ANGPT1: variants seen among roughly 807,000 people sequenced by gnomAD.
ANGPT1 encodes angiopoietin-1.
In ANGPT1, 17 loss-of-function variants were observed where a neutral mutation model predicts 62.2. That is an observed-to-expected ratio of 0.27 (90% confidence interval 0.19 to 0.41). The LOEUF (loss-of-function observed/expected upper bound fraction) is 0.41, where lower values mean the gene tolerates loss of function less well. Ranked by LOEUF, ANGPT1 falls within the 10% of genes least tolerant of loss-of-function variation. The pLI, the probability that ANGPT1 is intolerant of heterozygous loss-of-function variation, is 1.00. For missense variants in ANGPT1, 478 were observed against 594.9 expected (o/e 0.80, Z 2.04); for synonymous variants, 199 against 198.9 (o/e 1.00, Z 0.00).
chr8:107,336,314 T>C, intron 2 of ANGPT1, 43 bp from the exon 3 acceptor site: 1 of 1,549,686 alleles, frequency 6.5e-7, no homozygotes, highest in South Asian at 1.3e-5. Flanking sequence ...CAGTCACGAA[T>C]CAAAGAACTT....
intron 1 of ANGPT1, among the ~76,000 whole-genome samples, chr8:107,373,204 A>G (rs1816450922): frequency 1.3e-5 from 2 of 152,168 alleles, no homozygotes; most frequent in Non-Finnish European, 1.5e-5. Flanking sequence ...ACTTTTCAGT[A>G]TCTCAATTAC....
chr8:107,310,979 G>C (rs536269066), intron 4 of ANGPT1, among the ~76,000 whole-genome samples: 9 of 52,284 alleles, frequency 1.7e-4, no homozygotes, highest in African/African-American at 7.7e-4. Flanking sequence ...GAGTGTGTAT[G>C]TGAGTGTGTG....
Position 107,291,170 on chromosome 8 carries a change from GT to G in ANGPT1, c.1038+2765del, listed in dbSNP as rs529716213. Among the ~76,000 whole-genome samples, 4 of 152,254 alleles carry G rather than the reference GT, an allele frequency of 2.6e-5. No individual in the cohort carries two copies. The South Asian group carries it at 8.3e-4, about 32-fold the overall frequency. On this transcript the variant is annotated intron_variant, in intron 6 of 8. Transcript: ENST00000517746. ...TTTGCAAAACAGTATTTTTGGCATAGTTAAGTGAAATTTTTGCTTTGATGTT... is the reference window on the plus strand; with the variant it reads ...TTTGCAAAACAGTATTTTTGGCATAGTAAGTGAAATTTTTGCTTTGATGTT...
chr8:107,282,584 ATATATATATATG>A (rs1372123226), intron 7 of ANGPT1, among the ~76,000 whole-genome samples: 1 of 128,416 alleles, frequency 7.8e-6, no homozygotes, highest in African/African-American at 3.2e-5. Context: ...ATATATATAT[ATATATATATATG>A]AGCCTCAGCT....
rs1162122581 is a variant in ANGPT1 at position 107,284,824 on chromosome 8, A to G, written c.1063T>C (p.Tyr355His). 1.2e-6 allele frequency: 2 copies of G among 1,603,054 alleles called. No homozygotes were observed. The highest frequency in any genetic ancestry group is 2.7e-5 in the African/African-American group (2 of 74,922). ...KMGFGNPSGE[Y>H]WLGNEFIFAI... ...AAAATAAACTCATTCCCCAGCCAAT[A>G]TTCACCGGAGGGATTTCCAAAACCC... The change falls in exon 7 of 9, where the codon TAT becomes CAT. Residue 355 changes from tyrosine to histidine, a missense_variant. Tyr to His is a moderately conservative substitution (Grantham distance 83). Coordinates refer to ENST00000517746, the MANE Select transcript of ANGPT1 (RefSeq NM_001146.5).
chr8:107,282,396 C>A (rs909256155), intron 7 of ANGPT1, among the ~76,000 whole-genome samples: 1 of 143,890 alleles, frequency 6.9e-6, no homozygotes, highest in African/African-American at 2.6e-5. Context: ...CCTTTTTGGG[C>A]AAAATTATAT....
chr8:107,321,811 TG>T (rs1199649770), intron 4 of ANGPT1, 84 bp downstream of exon 4: 7 of 1,128,344 alleles, frequency 6.2e-6, no homozygotes, highest in Non-Finnish European at 9.0e-6. Context: ...CAGCAATCAA[TG>T]CACTGTAGAA....
intron 4 of ANGPT1, among the ~76,000 whole-genome samples, chr8:107,313,883 T>C (rs957366051): frequency 3.3e-5 from 5 of 152,352 alleles, no homozygotes; most frequent in South Asian, 4.1e-4. Context: ...TTCTCCCTTC[T>C]TACAGTATAA....
intron 6 of ANGPT1, among the ~76,000 whole-genome samples, chr8:107,292,668 G>C (rs779520436): frequency 6.6e-6 from 1 of 152,026 alleles, no homozygotes; most frequent in African/African-American, 2.4e-5. Context: ...CTTTTTAAAC[G>C]TGCTTTCAGA....
intron 1 of ANGPT1, among the ~76,000 whole-genome samples, chr8:107,481,555 A>C (rs1173341640): frequency 6.6e-6 from 1 of 150,416 alleles, no homozygotes; most frequent in Non-Finnish European, 1.5e-5. Context: ...AAAAAAAAAA[A>C]AGGAAGAAGA....
chr8:107,438,626 C>A (rs1586322839), intron 1 of ANGPT1, among the ~76,000 whole-genome samples: 1 of 152,058 alleles, frequency 6.6e-6, no homozygotes, highest in African/African-American at 2.4e-5. Flanking sequence ...ATATGCTTAT[C>A]TTTACTATTT....
intron 1 of ANGPT1, among the ~76,000 whole-genome samples, chr8:107,388,426 T>A (rs1009446968): frequency 1.6e-5 from 2 of 124,570 alleles, no homozygotes; most frequent in African/African-American, 5.1e-5. Flanking sequence ...AAATTATTTT[T>A]TAATAAAAAT....
chr8:107,276,547 G>C (rs1453140028), intron 7 of ANGPT1, among the ~76,000 whole-genome samples: 1 of 151,976 alleles, frequency 6.6e-6, no homozygotes, highest in Admixed American at 6.6e-5. Flanking sequence ...TACATGGGAG[G>C]CTCGAGAGAA....
chr8:107,274,197 G>A (rs553557903), intron 7 of ANGPT1, among the ~76,000 whole-genome samples: 5 of 152,152 alleles, frequency 3.3e-5, no homozygotes, highest in Admixed American at 1.3e-4. Flanking sequence ...CTTTAGGTGC[G>A]ACTCAGAAAT....
intron 6 of ANGPT1, among the ~76,000 whole-genome samples, chr8:107,285,294 A>C (rs1814112684): frequency 6.6e-6 from 1 of 152,162 alleles, no homozygotes. Context: ...TCACAAATGC[A>C]ATTATGTTTC....
intron 1 of ANGPT1, among the ~76,000 whole-genome samples, chr8:107,450,883 C>T (rs1390816766): frequency 1.3e-5 from 2 of 151,718 alleles, no homozygotes; most frequent in Non-Finnish European, 2.9e-5. Context: ...CCTTGATTTA[C>T]CCCACAATCA....
chr8:107,309,653 T>C (rs1814802162), intron 4 of ANGPT1, among the ~76,000 whole-genome samples: 1 of 152,186 alleles, frequency 6.6e-6, no homozygotes, highest in African/African-American at 2.4e-5. Flanking sequence ...TATAAACAGA[T>C]ATACAAATAT....
At chr8:107,436,526 G>T (rs891064411) in intron 1 of ANGPT1, among the ~76,000 whole-genome samples, 1 of 152,126 alleles carries the variant, frequency 6.6e-6, no homozygotes, top group Non-Finnish European at 1.5e-5. Flanking sequence ...ATTTAGATCT[G>T]CATTTCTTTC....
chr8:107,322,182 C>A, intron 3 of ANGPT1, 54 bp from the exon 4 acceptor site: 3 of 1,299,914 alleles, frequency 2.3e-6, no homozygotes, highest in South Asian at 1.4e-5. Flanking sequence ...TACAAAAAAA[C>A]CCTTATAATT....
Sources: gnomAD v4.1 joint callset for allele counts (sites outside exome capture counted in the v4.1 genomes callset) on GRCh38, gnomAD v4.1.1 for gene constraint, MANE v1.5 for transcripts, NCBI Gene and HGNC (gene_info 2026-07-23, HGNC 2026-07-21) for gene names.